Variants in HEMK2 observed in about 807,000 individuals in gnomAD.
HEMK2 encodes methyltransferase HEMK2.
At chr21:28,723,135 A>G in the HEMK2 span, among the ~76,000 whole-genome samples, 11 of 152,212 alleles carry the variant, frequency 7.2e-5, no homozygotes, top group East Asian at 2.1e-3. Context: ...CAGCCTCTCA[A>G]GTAGCTGGCG....
At chr21:28,852,412 G>A in the HEMK2 span, among the ~76,000 whole-genome samples, 1 of 152,096 alleles carries the variant, frequency 6.6e-6, no homozygotes, top group Non-Finnish European at 1.5e-5. Context: ...TTAATTACCT[G>A]ACCTCCATAA....
the HEMK2 span, among the ~76,000 whole-genome samples, chr21:28,832,115 A>T: frequency 5.9e-5 from 9 of 152,238 alleles, no homozygotes; most frequent in African/African-American, 1.9e-4. Flanking sequence ...TCATAAACCC[A>T]ACAGAGCAGA....
the HEMK2 span, among the ~76,000 whole-genome samples, chr21:28,635,481 C>A: frequency 1.3e-5 from 2 of 152,050 alleles, 1 homozygote; most frequent in Non-Finnish European, 2.9e-5. Flanking sequence ...ATTAAGTGTA[C>A]AATTAATGTT....
chr21:28,594,735 C>T, the HEMK2 span, among the ~76,000 whole-genome samples: 1 of 152,194 alleles, frequency 6.6e-6, no homozygotes, highest in African/African-American at 2.4e-5. Context: ...CCTTTGTAGA[C>T]AGCACTTAGT....
the HEMK2 span, among the ~76,000 whole-genome samples, chr21:28,691,009 T>C: frequency 0.011 from 1,642 of 152,334 alleles, 21 homozygotes; most frequent in Middle Eastern, 0.017. Flanking sequence ...CAATCTCAGA[T>C]TGCATCCCTT....
the HEMK2 span, among the ~76,000 whole-genome samples, chr21:28,838,972 A>AAAAAAAAAAT: frequency 1.4e-4 from 4 of 29,158 alleles, no homozygotes; most frequent in East Asian, 8.8e-4. Context: ...AAAAAAAAAA[A>AAAAAAAAAAT]ATATATATAT....
the HEMK2 span, among the ~76,000 whole-genome samples, chr21:28,648,421 G>T: frequency 6.6e-6 from 1 of 152,086 alleles, no homozygotes; most frequent in East Asian, 1.9e-4. Context: ...ATAAATGTCT[G>T]TCCTTGTCAC....
At chr21:28,582,467 GAA>G in the HEMK2 span, among the ~76,000 whole-genome samples, 4 of 152,102 alleles carry the variant, frequency 2.6e-5, no homozygotes, top group African/African-American at 9.7e-5. Context: ...ATATTATTCT[GAA>G]AATTGTGTAT....
the HEMK2 span, among the ~76,000 whole-genome samples, chr21:28,651,303 A>G: frequency 6.6e-6 from 1 of 152,188 alleles, no homozygotes; most frequent in African/African-American, 2.4e-5. Flanking sequence ...TTAATAAATC[A>G]CTGTACTTTT....
chr21:28,871,176 G>GTAT, the HEMK2 span, among the ~76,000 whole-genome samples: 15 of 152,028 alleles, frequency 9.9e-5, no homozygotes, highest in Non-Finnish European at 1.3e-4. Context: ...TTTAGTGTCT[G>GTAT]TATTAGTCTG....
At chr21:28,619,869 GA>G in the HEMK2 span, among the ~76,000 whole-genome samples, 2 of 152,198 alleles carry the variant, frequency 1.3e-5, no homozygotes, top group Non-Finnish European at 2.9e-5. Flanking sequence ...CATAATCTGA[GA>G]TAAACACCAC....
the HEMK2 span, among the ~76,000 whole-genome samples, chr21:28,646,746 A>C: frequency 2.0e-5 from 3 of 152,204 alleles, no homozygotes; most frequent in Non-Finnish European, 4.4e-5. Flanking sequence ...CCTGGAGCTC[A>C]GCTGGGGTTG....
the HEMK2 span, chr21:28,878,316 T>TA: frequency 6.2e-7 from 1 of 1,613,478 alleles, no homozygotes; most frequent in Non-Finnish European, 8.5e-7. Context: ...AAGCTGCCTC[T>TA]ATTCCGTGAC....
chr21:28,624,084 A>C, the HEMK2 span, among the ~76,000 whole-genome samples: 2 of 152,208 alleles, frequency 1.3e-5, no homozygotes, highest in African/African-American at 2.4e-5. Flanking sequence ...GAAAGAAGTT[A>C]TTGTCTTATC....
At chr21:28,829,785 T>A in the HEMK2 span, among the ~76,000 whole-genome samples, 1 of 152,218 alleles carries the variant, frequency 6.6e-6, no homozygotes, top group African/African-American at 2.4e-5. Flanking sequence ...ACATACACTC[T>A]GTTTCTAAAA....
At chr21:28,648,252 AT>A in the HEMK2 span, among the ~76,000 whole-genome samples, 1 of 152,180 alleles carries the variant, frequency 6.6e-6, no homozygotes. Flanking sequence ...CTTTTTTGAA[AT>A]AAAGCATTTG....
chr21:28,882,860 T>G, the HEMK2 span: 37 of 534,376 alleles, frequency 6.9e-5, no homozygotes, highest in African/African-American at 5.9e-4. Context: ...AAGCATAGTT[T>G]GTAATCTGAG....
the HEMK2 span, among the ~76,000 whole-genome samples, chr21:28,591,919 T>C: frequency 6.6e-6 from 1 of 152,234 alleles, no homozygotes; most frequent in African/African-American, 2.4e-5. Flanking sequence ...GCATGGTGTG[T>C]ATGTATCACA....
chr21:28,885,154 C>G, the HEMK2 span: 1 of 1,482,090 alleles, frequency 6.7e-7, no homozygotes, highest in Non-Finnish European at 9.1e-7. Flanking sequence ...CCCTCCTCCA[C>G]CGCACTTCTT....
Sources: allele counts gnomAD v4.1 joint callset (sites outside exome capture counted in the v4.1 genomes callset), GRCh38; gene constraint gnomAD v4.1.1; transcripts MANE v1.5; gene names NCBI Gene and HGNC (gene_info 2026-07-23, HGNC 2026-07-21).